COL4A6: variants seen among roughly 807,000 people sequenced by gnomAD.
COL4A6 encodes collagen type IV alpha 6 chain.
In COL4A6, 59 loss-of-function variants were observed where a neutral mutation model predicts 126.7. The observed-to-expected ratio is 0.47, with a 90% CI of 0.38 to 0.58. The LOEUF (loss-of-function observed/expected upper bound fraction) is 0.58. Among genes scored for constraint, COL4A6 ranks in the 20% least tolerant of loss-of-function variants. The pLI, the probability that COL4A6 is intolerant of heterozygous loss-of-function variation, is 0.00. For missense variants in COL4A6, 1,285 were observed against 1,337.3 expected (o/e 0.96, Z 0.61); for synonymous variants, 547 against 496.6 (o/e 1.10, Z -1.35).
chrX:108,424,103 G>A (rs1404404227), intron 2 of COL4A6, among the ~76,000 whole-genome samples: 1 of 111,729 alleles, frequency 9.0e-6, no homozygotes, highest in Admixed American at 9.5e-5. Context: ...TTCTTCATAG[G>A]GTTCACTGCA....
intron 2 of COL4A6, among the ~76,000 whole-genome samples, chrX:108,399,198 C>T (rs941764140): frequency 2.7e-5 from 3 of 111,079 alleles, no homozygotes; most frequent in Non-Finnish European, 5.7e-5. Context: ...AAAAACCATG[C>T]AAGAATTTTT....
chrX:108,168,862 G>A (rs1376343676), intron 37 of COL4A6, among the ~76,000 whole-genome samples: 2 of 111,560 alleles, frequency 1.8e-5, no homozygotes, highest in African/African-American at 3.3e-5. Context: ...GAATGTACAC[G>A]GGTTTTTGGA....
Position 108,431,007 on chromosome X carries a change from T to C in COL4A6, c.63+6935A>G, listed in dbSNP as rs755113867. Among the ~76,000 whole-genome samples, 9 of 111,504 alleles carry C rather than the reference T, an allele frequency of 8.1e-5. No individual in the cohort carries two copies. In the East Asian group the frequency reaches 2.5e-3, roughly 31 times the overall value. On this transcript the variant is annotated intron_variant, in intron 2 of 44. Coordinates refer to ENST00000334504, the MANE Select transcript of COL4A6 (RefSeq NM_033641.4). ...GAGATGTCTTGGCTGGGGATATAAA[T>C]TTGATAATCATCACTATATAGGAGG... is the stretch of plus-strand genomic sequence containing the variant.
Position 108,310,848 on chromosome X carries a change from G to C in COL4A6, c.64-20C>G. 1 of 1,149,909 alleles carries C rather than the reference G, an allele frequency of 8.7e-7. No homozygotes were observed. Among genetic ancestry groups the C allele is most frequent in the Non-Finnish European group, 1.2e-6 (1 of 843,121 alleles). The allele number at this position is 1,149,909 out of a possible 1,213,427, so 94.8% of individuals were successfully genotyped here. On this transcript the variant is annotated intron_variant, in intron 2 of 44. Transcript: ENST00000334504. ...CTCTCCCTATTAAAAAAAGGAAAAA[G>C]TTAATAAACCATGTGAACCAAGAAG...
intron 44 of COL4A6, 79 bp from the exon 45 acceptor site, chrX:108,157,339 A>G: frequency 1.8e-6 from 2 of 1,135,932 alleles, no homozygotes; most frequent in African/African-American, 1.8e-5. Context: ...CTCCACTGCT[A>G]CAGGGGCACA....
At chrX:108,358,028 T>A (rs569044511) in intron 2 of COL4A6, among the ~76,000 whole-genome samples, 1 of 111,715 alleles carries the variant, frequency 9.0e-6, no homozygotes, top group East Asian at 2.8e-4. Context: ...GTTATTCTTG[T>A]ATAATATCAT....
chrX:108,318,131 T>C (rs988671199), intron 2 of COL4A6, among the ~76,000 whole-genome samples: 6 of 111,935 alleles, frequency 5.4e-5, no homozygotes, highest in African/African-American at 1.9e-4. Flanking sequence ...ACCACATGTT[T>C]ATCTCAATAG....
intron 3 of COL4A6, among the ~76,000 whole-genome samples, chrX:108,279,270 T>A (rs1308088799): frequency 9.0e-6 from 1 of 110,599 alleles, no homozygotes. Flanking sequence ...GAGACACACA[T>A]AGGCTCAAAA....
At chrX:108,360,784 C>T in intron 2 of COL4A6, among the ~76,000 whole-genome samples, 1 of 110,985 alleles carries the variant, frequency 9.0e-6, no homozygotes, top group East Asian at 2.8e-4. Flanking sequence ...GATCTGCCCA[C>T]CTCGGCCTCC....
In COL4A6 at chrX:108,180,498, G is replaced by T; in HGVS notation, c.2131+17C>A. On this transcript the variant is annotated intron_variant, in intron 25 of 44. Coordinates refer to ENST00000334504, the MANE Select transcript of COL4A6 (RefSeq NM_033641.4). ...ACACACAAAGAGAAGCAGGTGAGGAGACACTCCTTTTCTTACCTGGTAATT... is the reference window on the plus strand; with the variant it reads ...ACACACAAAGAGAAGCAGGTGAGGATACACTCCTTTTCTTACCTGGTAATT... 1 of 1,141,754 alleles carries T rather than the reference G, an allele frequency of 8.8e-7. No homozygotes were observed. The highest frequency in any genetic ancestry group is 1.2e-6 in the Non-Finnish European group (1 of 835,135). The allele number at this position is 1,141,754 out of a possible 1,213,427, so 94.1% of individuals were successfully genotyped here.
At chrX:108,321,083 T>C (rs2039016073) in intron 2 of COL4A6, among the ~76,000 whole-genome samples, 1 of 111,978 alleles carries the variant, frequency 8.9e-6, no homozygotes, top group African/African-American at 3.2e-5. Context: ...TTAAATAAGA[T>C]GATGCTCTTT....
At chrX:108,272,941 T>C (rs907761439) in intron 3 of COL4A6, among the ~76,000 whole-genome samples, 1 of 110,345 alleles carries the variant, frequency 9.1e-6, no homozygotes, top group Admixed American at 9.7e-5. Context: ...TATTTATTTT[T>C]ATTATTATTA....
chrX:108,157,015 A>G lies in COL4A6; in HGVS notation c.5058T>C (p.Cys1686=). The G allele has an allele frequency of 2.5e-6, 3 of 1,210,102 alleles. No homozygotes were observed. The highest frequency in any genetic ancestry group is 3.4e-6 in the Non-Finnish European group (3 of 894,771). ...LHTRVSRCQV[C]MKSL ...AGGTGCCACCCTACAGGCTTTTCAT[A>G]CACACCTGGCAGCGACTGACTCGAG... Residue 1686 remains cysteine, a synonymous_variant, in exon 45 of 45, where the codon TGT becomes TGC. Transcript: ENST00000334504.
intron 20 of COL4A6, among the ~76,000 whole-genome samples, chrX:108,189,685 T>C (rs756045344): frequency 1.5e-3 from 168 of 112,538 alleles, no homozygotes; most frequent in Admixed American, 4.1e-3. Context: ...TTCAGGCATT[T>C]CTTAACCAGA....
chrX:108,378,769 T>C (rs1281583257), intron 2 of COL4A6, among the ~76,000 whole-genome samples: 3 of 113,477 alleles, frequency 2.6e-5, no homozygotes, highest in African/African-American at 9.6e-5. Flanking sequence ...TGGCAAACTA[T>C]GGCCCCCTGG....
intron 3 of COL4A6, among the ~76,000 whole-genome samples, chrX:108,259,044 G>A (rs1050888409): frequency 9.0e-5 from 10 of 111,459 alleles, no homozygotes; most frequent in African/African-American, 2.6e-4. Context: ...GGCATAGACC[G>A]TAAGTAAGAG....
intron 2 of COL4A6, among the ~76,000 whole-genome samples, chrX:108,408,053 G>C (rs1038117356): frequency 9.8e-5 from 11 of 111,728 alleles, no homozygotes; most frequent in Non-Finnish European, 1.9e-4. Context: ...GCTCATGCCT[G>C]TAATCATGGC....
chrX:108,253,125 A>G (rs895921709), intron 3 of COL4A6, among the ~76,000 whole-genome samples: 2 of 111,814 alleles, frequency 1.8e-5, no homozygotes, highest in African/African-American at 6.5e-5. Context: ...CTTCTTTTCA[A>G]CATAGTACTG....
At chrX:108,207,822 T>A (rs2035593331) in intron 8 of COL4A6, among the ~76,000 whole-genome samples, 1 of 111,057 alleles carries the variant, frequency 9.0e-6, no homozygotes, top group Non-Finnish European at 1.9e-5. Context: ...CACCATTTTA[T>A]ACGAGGGATT....
Sources: allele counts gnomAD v4.1 joint callset (sites outside exome capture counted in the v4.1 genomes callset), GRCh38; gene constraint gnomAD v4.1.1; transcripts MANE v1.5; gene names NCBI Gene and HGNC (gene_info 2026-07-23, HGNC 2026-07-21).